Variants in ZNF385B observed in about 807,000 individuals in gnomAD.
ZNF385B encodes the protein zinc finger protein 533.
A neutral mutation model predicts 39.2 loss-of-function variants in ZNF385B; 23 were observed. That is an observed-to-expected ratio of 0.59 (90% CI 0.42 to 0.83). The LOEUF is 0.83. ZNF385B is among the 40% of genes least tolerant of loss of function. The pLI is 0.00. For missense variants in ZNF385B, 552 were observed against 598.9 expected (o/e 0.92, Z 0.82); for synonymous variants, 205 against 222.6 (o/e 0.92, Z 0.70).
chr2:179,711,230 T>TA (rs1314397130), intron 3 of ZNF385B, among the ~76,000 whole-genome samples: 4 of 152,232 alleles, frequency 2.6e-5, no homozygotes. Flanking sequence ...GCCCTAGGTA[T>TA]ACATATTCCT....
At chr2:179,560,621 T>C (rs1411318141) in intron 3 of ZNF385B, among the ~76,000 whole-genome samples, 1 of 152,108 alleles carries the variant, frequency 6.6e-6, no homozygotes, top group African/African-American at 2.4e-5. Flanking sequence ...TTCCCACCTG[T>C]CTTTTCTGCC....
chr2:179,465,555 T>C (rs1315069094), intron 6 of ZNF385B, among the ~76,000 whole-genome samples: 1 of 152,242 alleles, frequency 6.6e-6, no homozygotes. Flanking sequence ...ATATTAGAAC[T>C]GTCAGCAATG....
At chr2:179,766,554 C>T (rs2106497751) in intron 3 of ZNF385B, among the ~76,000 whole-genome samples, 1 of 152,218 alleles carries the variant, frequency 6.6e-6, no homozygotes, top group African/African-American at 2.4e-5. Context: ...CTCTCCTTGG[C>T]TTGTAGATGG....
At chr2:179,610,937 T>C (rs922062347) in intron 3 of ZNF385B, among the ~76,000 whole-genome samples, 15 of 152,202 alleles carry the variant, frequency 9.9e-5, no homozygotes, top group African/African-American at 3.4e-4. Context: ...TACTAGTTTT[T>C]TGGTGGACTC....
intron 3 of ZNF385B, among the ~76,000 whole-genome samples, chr2:179,739,826 G>A (rs2106447561): frequency 6.6e-6 from 1 of 152,208 alleles, no homozygotes; most frequent in Non-Finnish European, 1.5e-5. Flanking sequence ...CCCCATTAAA[G>A]CATGATTCAG....
At chr2:179,622,726 G>A (rs1359290554) in intron 3 of ZNF385B, among the ~76,000 whole-genome samples, 1 of 152,144 alleles carries the variant, frequency 6.6e-6, no homozygotes, top group Non-Finnish European at 1.5e-5. Flanking sequence ...CTATCACATT[G>A]GAGTGTGGTC....
At chr2:179,541,154 T>C (rs572572997) in intron 4 of ZNF385B, among the ~76,000 whole-genome samples, 5 of 152,206 alleles carry the variant, frequency 3.3e-5, no homozygotes, top group Non-Finnish European at 7.3e-5. Flanking sequence ...CGATTCAAAC[T>C]CCGTCTTCCT....
chr2:179,571,573 C>T (rs761711076), intron 3 of ZNF385B, among the ~76,000 whole-genome samples: 1 of 152,154 alleles, frequency 6.6e-6, no homozygotes, highest in Non-Finnish European at 1.5e-5. Flanking sequence ...CTTGAAACTG[C>T]TTCACAGAAC....
intron 3 of ZNF385B, among the ~76,000 whole-genome samples, chr2:179,759,227 T>C (rs2106483552): frequency 6.6e-6 from 1 of 152,286 alleles, no homozygotes; most frequent in East Asian, 1.9e-4. Flanking sequence ...TATCTGGACT[T>C]GGGAAGCTGT....
In ZNF385B at chr2:179,714,593, G is replaced by T. The variant is rs114133438; in HGVS notation, c.298+54910C>A. Reference sequence around the variant, plus strand: ...AGCCAGAAGAATCACCCTTAGGAAGGTTAAAATTTAGGACAACATCTATGA... The same window carrying T: ...AGCCAGAAGAATCACCCTTAGGAAGTTTAAAATTTAGGACAACATCTATGA... On this transcript the variant is annotated intron_variant, in intron 3 of 9. Transcript: ENST00000410066. Among the ~76,000 whole-genome samples the T allele has an allele frequency of 2.1e-3, 316 of 152,228 alleles. 4 individuals are homozygous for T. The highest frequency in any genetic ancestry group is 7.2e-3 in the African/African-American group (300 of 41,554).
intron 5 of ZNF385B, among the ~76,000 whole-genome samples, chr2:179,488,811 CAT>C (rs1281776957): frequency 1.3e-5 from 2 of 152,068 alleles, no homozygotes; most frequent in African/African-American, 4.8e-5. Context: ...CCAAATAAAA[CAT>C]ATGTCAAATG....
At chr2:179,489,643 T>C (rs2054986774) in intron 5 of ZNF385B, among the ~76,000 whole-genome samples, 1 of 152,342 alleles carries the variant, frequency 6.6e-6, no homozygotes, top group Non-Finnish European at 1.5e-5. Context: ...CAATGCTTTC[T>C]GCATATATTT....
chr2:179,558,360 G>A (rs2061093542), intron 3 of ZNF385B, among the ~76,000 whole-genome samples: 1 of 152,150 alleles, frequency 6.6e-6, no homozygotes, highest in African/African-American at 2.4e-5. Context: ...TGTCTAGGCT[G>A]TGGTATTTAA....
At chr2:179,469,273 C>G (rs761216238) in intron 6 of ZNF385B, among the ~76,000 whole-genome samples, 1 of 152,176 alleles carries the variant, frequency 6.6e-6, no homozygotes, top group African/African-American at 2.4e-5. Flanking sequence ...TATACTAACA[C>G]TAACGATAGC....
chr2:179,759,588 A>T (rs1478740390), intron 3 of ZNF385B, among the ~76,000 whole-genome samples: 4 of 152,066 alleles, frequency 2.6e-5, no homozygotes, highest in Non-Finnish European at 5.9e-5. Context: ...CTGCATTGCC[A>T]TTGCCTATAC....
At chr2:179,789,779 TG>T (rs1394179913) in intron 1 of ZNF385B, among the ~76,000 whole-genome samples, 1 of 152,122 alleles carries the variant, frequency 6.6e-6, no homozygotes, top group Non-Finnish European at 1.5e-5. Flanking sequence ...TGTAGCATGT[TG>T]GGATAATTTT....
chr2:179,861,415 C>T lies in ZNF385B; in HGVS notation c.-469G>A, dbSNP rs1479375200. The T allele has an allele frequency of 6.6e-6, 1 of 150,448 alleles. No homozygotes were observed. The highest frequency in any genetic ancestry group is 1.5e-5 in the Non-Finnish European group (1 of 67,428). The allele number at this position is 150,448 out of a possible 1,614,324, so 9.3% of individuals were successfully genotyped here. A position where few individuals can be genotyped will look rare whatever the true frequency, so the allele number is the denominator to read the frequency against. On this transcript the variant is annotated 5_prime_UTR_variant, in exon 1 of 10. Coordinates refer to ENST00000410066, the MANE Select transcript of ZNF385B (RefSeq NM_152520.6). The stretch of plus-strand genomic sequence containing the variant: ...GCCTCGCCCAGGTGAGGGGCGTGTG[C>T]CCGGAGCCCGCTGGGCGCGCCCGGC...
intron 1 of ZNF385B, among the ~76,000 whole-genome samples, chr2:179,845,876 C>T (rs1708774683): frequency 6.6e-6 from 1 of 152,186 alleles, no homozygotes; most frequent in African/African-American, 2.4e-5. Context: ...TTGTCCATCC[C>T]ATTTAATTAT....
chr2:179,715,056 A>C (rs1396660722), intron 3 of ZNF385B, among the ~76,000 whole-genome samples: 1 of 151,736 alleles, frequency 6.6e-6, no homozygotes, highest in Non-Finnish European at 1.5e-5. Context: ...CAAACCATGC[A>C]CATCCAAGTC....
Sources: allele counts gnomAD v4.1 joint callset (sites outside exome capture counted in the v4.1 genomes callset), GRCh38; gene constraint gnomAD v4.1.1; transcripts MANE v1.5; gene names NCBI Gene and HGNC (gene_info 2026-07-23, HGNC 2026-07-21).